The following RIMS2 variants were observed in gnomAD, a reference collection of about 807,000 sequenced individuals.
RIMS2 encodes the protein regulating synaptic membrane exocytosis protein 2.
In RIMS2, 59 loss-of-function variants were observed where a neutral mutation model predicts 174.4. The observed-to-expected ratio is 0.34, with a 90% CI of 0.27 to 0.42. The LOEUF (loss-of-function observed/expected upper bound fraction) is 0.42, where lower values mean the gene tolerates loss of function less well. Ranked by LOEUF, RIMS2 falls within the 10% of genes least tolerant of loss-of-function variation. RIMS2 has a pLI of 1.00. For synonymous variants in RIMS2, 606 were observed against 572.5 expected, an observed-to-expected ratio of 1.06 and a Z score of -0.84; for missense variants, 1,620 against 1,666.3, an observed-to-expected ratio of 0.97 and a Z score of 0.48.
chr8:103,998,181 G>T, intron 17 of RIMS2: 1 of 1,594,068 alleles, frequency 6.3e-7, no homozygotes, highest in African/African-American at 1.4e-5. Context: ...TGCCATGCTT[G>T]CAGTCATTTT....
At chr8:103,530,712 A>C (rs372495007) in intron 1 of RIMS2, among the ~76,000 whole-genome samples, 1 of 152,146 alleles carries the variant, frequency 6.6e-6, no homozygotes, top group African/African-American at 2.4e-5. Flanking sequence ...TAATAAATGT[A>C]TAATACCTCT....
At chr8:103,609,134 G>C (rs1040401653) in intron 1 of RIMS2, among the ~76,000 whole-genome samples, 2 of 152,100 alleles carry the variant, frequency 1.3e-5, no homozygotes, top group Non-Finnish European at 2.9e-5. Context: ...TCATATGCTT[G>C]TTGGCCACAT....
At position 103,746,105 on chromosome 8, in the gene RIMS2, A is replaced by G. The variant is rs189169194; in HGVS notation, c.388-20122A>G. On this transcript the variant is annotated intron_variant, in intron 2 of 23. Coordinates refer to ENST00000504942, the Ensembl canonical transcript of RIMS2. ...GTTCTTACATTGAGGTCTTTGATCC[A>G]TTTTAAGTTAATTTTTGTGTATGGT... Among the ~76,000 whole-genome samples the G allele has an allele frequency of 6.7e-3, 1,023 of 152,292 alleles. 7 individuals carry two copies. Among genetic ancestry groups the G allele is most frequent in the Non-Finnish European group, 0.01 (683 of 68,022 alleles).
intron 1 of RIMS2, among the ~76,000 whole-genome samples, chr8:103,662,923 C>T (rs1313710239): frequency 1.3e-5 from 2 of 152,142 alleles, no homozygotes; most frequent in African/African-American, 4.8e-5. Context: ...GTAATCCTAG[C>T]ACTTTGGGAG....
intron 2 of RIMS2, among the ~76,000 whole-genome samples, chr8:103,725,624 G>A (rs1357059403): frequency 6.6e-6 from 1 of 151,986 alleles, no homozygotes; most frequent in African/African-American, 2.4e-5. Flanking sequence ...TTTTTCTGTT[G>A]CAGGACATAT....
At chr8:103,836,484 C>T (rs535012554) in intron 3 of RIMS2, among the ~76,000 whole-genome samples, 169 of 152,214 alleles carry the variant, frequency 1.1e-3, no homozygotes, top group African/African-American at 3.6e-3. Context: ...ATCATTGAGC[C>T]CAAGAGTTGA....
chr8:103,693,291 G>GT (rs1336492093), intron 1 of RIMS2, among the ~76,000 whole-genome samples: 1 of 152,144 alleles, frequency 6.6e-6, no homozygotes, highest in Non-Finnish European at 1.5e-5. Context: ...ATTTAAGACT[G>GT]TTTTTTCTAC....
rs774651509 is a variant in RIMS2 at position 103,891,693 on chromosome 8, A to C, written c.1624+5470A>C. On this transcript the variant is annotated intron_variant, in intron 4 of 23. Transcript: ENST00000504942. ...AAAGTGGCCTAGCAAATGTAAGAAT[A>C]CATGTGTTTAGTTTTCTAGCTATAA... Among the ~76,000 whole-genome samples, 57 of 152,124 alleles carry C rather than the reference A, an allele frequency of 3.7e-4. 1 individual carries two copies. The highest frequency in any genetic ancestry group is 1.3e-4 in the Admixed American group (2 of 15,248).
At chr8:104,121,196 A>C (rs998187859) in intron 19 of RIMS2, among the ~76,000 whole-genome samples, 3 of 152,354 alleles carry the variant, frequency 2.0e-5, no homozygotes, top group African/African-American at 7.2e-5. Context: ...GCTATTATAA[A>C]GATATATTCA....
chr8:103,806,187 T>C (rs1052393717), intron 3 of RIMS2, among the ~76,000 whole-genome samples: 3 of 152,160 alleles, frequency 2.0e-5, no homozygotes, highest in African/African-American at 7.2e-5. Flanking sequence ...GCAATATTTC[T>C]TTTTTCTGTC....
chr8:103,935,928 C>A (rs2081140525), intron 12 of RIMS2, among the ~76,000 whole-genome samples: 1 of 152,094 alleles, frequency 6.6e-6, no homozygotes, highest in Non-Finnish European at 1.5e-5. Flanking sequence ...CTGGCAATGC[C>A]ATTTATTGGG....
At chr8:103,767,428 GC>G (rs1456407162) in intron 3 of RIMS2, among the ~76,000 whole-genome samples, 1 of 152,032 alleles carries the variant, frequency 6.6e-6, no homozygotes, top group Admixed American at 6.6e-5. Flanking sequence ...CCCGTGATCT[GC>G]CCACCTCGGC....
At chr8:104,254,134 A>G (rs766612960), downstream of RIMS2, 1 of 152,160 alleles carries the variant, frequency 6.6e-6, no homozygotes, top group Non-Finnish European at 1.5e-5. Flanking sequence ...TTCTAATTTT[A>G]ATAAGAAGGA....
intron 1 of RIMS2, among the ~76,000 whole-genome samples, chr8:103,651,246 C>T (rs1389614060): frequency 1.3e-5 from 2 of 152,200 alleles, no homozygotes; most frequent in African/African-American, 2.4e-5. Flanking sequence ...TCGCCCTACC[C>T]TGCTTCTCTT....
chr8:103,916,521 G>A (rs76852437), exon 8 of RIMS2: 1 of 1,610,002 alleles, frequency 6.2e-7, no homozygotes, highest in South Asian at 1.1e-5. Context: ...AGAACTTGTA[G>A]TTTCAAGGCC....
intron 19 of RIMS2, among the ~76,000 whole-genome samples, chr8:104,068,080 G>C (rs2097135265): frequency 6.6e-6 from 1 of 152,110 alleles, no homozygotes; most frequent in African/African-American, 2.4e-5. Context: ...TATGATAACA[G>C]TTTCTAAATG....
chr8:104,028,079 G>A (rs2096294641), intron 19 of RIMS2, among the ~76,000 whole-genome samples: 1 of 151,512 alleles, frequency 6.6e-6, no homozygotes, highest in African/African-American at 2.4e-5. Flanking sequence ...ACAGGCATAT[G>A]CCACTATGCC....
chr8:103,718,576 G>A (rs888654987), intron 2 of RIMS2, among the ~76,000 whole-genome samples: 8 of 152,244 alleles, frequency 5.3e-5, no homozygotes, highest in African/African-American at 1.9e-4. Context: ...GGAGGTGAAT[G>A]TATTACATGT....
At chr8:104,110,250 T>C (rs2098155598) in intron 19 of RIMS2, among the ~76,000 whole-genome samples, 1 of 152,148 alleles carries the variant, frequency 6.6e-6, no homozygotes, top group South Asian at 2.1e-4. Flanking sequence ...AATTATACCG[T>C]ATGTAACCAA....
Sources: allele counts gnomAD v4.1 joint callset (sites outside exome capture counted in the v4.1 genomes callset), GRCh38; gene constraint gnomAD v4.1.1; transcripts MANE v1.5; gene names NCBI Gene and HGNC (gene_info 2026-07-23, HGNC 2026-07-21).